Variants in LPXN observed in about 807,000 individuals in gnomAD.
The protein encoded by LPXN is leupaxin.
In LPXN, 28 loss-of-function variants were observed where a neutral mutation model predicts 45.6. The observed-to-expected ratio is 0.61, with a 90% CI of 0.45 to 0.84. LPXN has a LOEUF of 0.84. LPXN is among the 40% of genes least tolerant of loss of function. The pLI, the probability that LPXN is intolerant of heterozygous loss-of-function variation, is 0.00. For synonymous variants in LPXN, 166 were observed against 169.9 expected, an observed-to-expected ratio of 0.98 and a Z score of 0.18; for missense variants, 459 against 475.0, an observed-to-expected ratio of 0.97 and a Z score of 0.31.
At chr11:58,556,148 T>C (rs1854196701) in intron 3 of LPXN, among the ~76,000 whole-genome samples, 2 of 152,110 alleles carry the variant, frequency 1.3e-5, no homozygotes, top group South Asian at 4.1e-4. Flanking sequence ...AGTTGAAATG[T>C]GTTTTTTTTA....
intron 7 of LPXN, among the ~76,000 whole-genome samples, chr11:58,542,489 T>C (rs981284364): frequency 2.0e-5 from 3 of 151,890 alleles, no homozygotes; most frequent in Non-Finnish European, 4.4e-5. Context: ...TCCTAGGAAT[T>C]AATTAATACA....
At chr11:58,577,995 C>T, upstream of LPXN, 1 of 1,550,462 alleles carries the variant, frequency 6.4e-7, no homozygotes. Flanking sequence ...CCTCTAGGAG[C>T]TCACAGGTGA....
At chr11:58,578,313 A>T, upstream of LPXN, 2 of 339,270 alleles carry the variant, frequency 5.9e-6, no homozygotes, top group South Asian at 2.9e-5. Flanking sequence ...TCCCGTCGTG[A>T]CTCAGTTAGA....
rs1408918645 is a variant in LPXN, at chr11:58,549,771, C to G, written c.742+15G>C. 1 of 1,613,384 alleles carries G rather than the reference C, an allele frequency of 6.2e-7. No individual in the cohort carries two copies. Among genetic ancestry groups the G allele is most frequent in the Non-Finnish European group, 8.5e-7 (1 of 1,179,534 alleles). ...CACTGGGGTGTGGGATACAGCCTCT[C>G]AAGTCGGGTCATACCTTCTGCACCA... is the stretch of plus-strand genomic sequence containing the variant. On this transcript the variant is annotated intron_variant, in intron 7 of 8. Transcript: ENST00000395074.
intron 2 of LPXN, among the ~76,000 whole-genome samples, chr11:58,569,786 T>C (rs1019600077): frequency 1.5e-4 from 23 of 152,150 alleles, no homozygotes; most frequent in African/African-American, 5.1e-4. Flanking sequence ...AATAATTGAA[T>C]CTCCTAATCT....
chr11:58,532,805 C>T (rs1853433357), intron 7 of LPXN, among the ~76,000 whole-genome samples: 2 of 152,214 alleles, frequency 1.3e-5, no homozygotes, highest in African/African-American at 4.8e-5. Context: ...GCAGTGGCAA[C>T]CCACTTGGGT....
intron 3 of LPXN, 55 bp from the exon 4 acceptor site, chr11:58,554,995 A>G: frequency 8.8e-7 from 1 of 1,134,750 alleles, no homozygotes. Flanking sequence ...AAATAATGTT[A>G]AACCACACAT....
intron 2 of LPXN, among the ~76,000 whole-genome samples, chr11:58,568,945 G>A (rs1854599607): frequency 6.6e-6 from 1 of 152,178 alleles, no homozygotes. Flanking sequence ...TTTTAAAGGT[G>A]ACCCTGGCTG....
intron 3 of LPXN, among the ~76,000 whole-genome samples, chr11:58,563,392 C>G (rs1425036313): frequency 6.6e-6 from 1 of 152,186 alleles, no homozygotes; most frequent in Non-Finnish European, 1.5e-5. Flanking sequence ...TAGCACAGTT[C>G]TTGCCTTATT....
chr11:58,577,037 C>T (rs1331801870), upstream of LPXN, among the ~76,000 whole-genome samples: 3 of 152,148 alleles, frequency 2.0e-5, no homozygotes, highest in African/African-American at 7.2e-5. Context: ...AGGGATCCTC[C>T]CACTTTGGCA....
In LPXN at chr11:58,555,708, A is replaced by C. The variant is rs367865373; in HGVS notation, c.219-768T>G. Among the ~76,000 whole-genome samples the C allele has an allele frequency of 3.9e-5, 6 of 151,978 alleles. No individual in the cohort carries two copies. In the East Asian group the frequency reaches 9.7e-4, roughly 24 times the overall value. On this transcript the variant is annotated intron_variant, in intron 3 of 8. Coordinates refer to ENST00000395074, the MANE Select transcript of LPXN (RefSeq NM_004811.3). ...TTCTTGGGATAAAAAAATTAAACTGAATTTTCAAACCAGTTAGAAATAGCA... is the reference window on the plus strand; with the variant it reads ...TTCTTGGGATAAAAAAATTAAACTGCATTTTCAAACCAGTTAGAAATAGCA...
intron 5 of LPXN, among the ~76,000 whole-genome samples, chr11:58,550,369 T>C (rs1156258311): frequency 1.3e-5 from 2 of 152,198 alleles, no homozygotes; most frequent in South Asian, 2.1e-4. Flanking sequence ...GACTGATCAC[T>C]GTGATGAAAG....
At chr11:58,564,301 T>C (rs994336102) in intron 2 of LPXN, 100 bp from the exon 3 acceptor site, 1 of 774,698 alleles carries the variant, frequency 1.3e-6, no homozygotes, top group South Asian at 1.5e-5. Context: ...TTTGTAGCTT[T>C]TAAAGGGGAC....
At chr11:58,569,888 A>T (rs1446542316) in intron 2 of LPXN, among the ~76,000 whole-genome samples, 2 of 152,180 alleles carry the variant, frequency 1.3e-5, no homozygotes, top group Non-Finnish European at 2.9e-5. Flanking sequence ...TCCTCAGGTG[A>T]TCTCTGGCCT....
intron 7 of LPXN, among the ~76,000 whole-genome samples, chr11:58,531,785 A>G (rs777948126): frequency 6.6e-6 from 1 of 152,244 alleles, no homozygotes; most frequent in South Asian, 2.1e-4. Flanking sequence ...AATTGAGGTG[A>G]CAATGTGCTT....
At position 58,527,670 on chromosome 11, in the gene LPXN, T is replaced by TG. The variant is rs1853266558; in HGVS notation, c.944dup (p.Phe316IlefsTer3). 1 of 1,614,088 alleles carries TG rather than the reference T, an allele frequency of 6.2e-7. No homozygotes were observed. Among genetic ancestry groups the TG allele is most frequent in the Non-Finnish European group, 8.5e-7 (1 of 1,180,000 alleles). ...GGTGATGGTAATGGAGCTCACAGAA[T>TG]GGACGTCCATCCAGTTCAAAGAAGG... On this transcript the variant is annotated frameshift_variant, in exon 9 of 9. Transcript: ENST00000395074. LOFTEE classifies it high-confidence loss of function.
At position 58,527,729 on chromosome 11, in the gene LPXN, G is replaced by A. The variant is rs1003911836; in HGVS notation, c.892-6C>T. 3 of 1,611,320 alleles carry A rather than the reference G, an allele frequency of 1.9e-6. No individual in the cohort carries two copies. The highest frequency in any genetic ancestry group is 1.7e-6 in the Non-Finnish European group (2 of 1,178,002). The stretch of plus-strand genomic sequence containing the variant: ...GAAAAACTGGTGAAGCAGTCCTGGG[G>A]TAGAGAGAAGAGAGAGAAAAAGAAT... On this transcript the variant is annotated splice_region_variant and splice_polypyrimidine_tract_variant and intron_variant, in intron 8 of 8. Coordinates refer to ENST00000395074, the MANE Select transcript of LPXN (RefSeq NM_004811.3).
At chr11:58,542,405 C>T (rs1853755591) in intron 7 of LPXN, among the ~76,000 whole-genome samples, 1 of 151,594 alleles carries the variant, frequency 6.6e-6, no homozygotes, top group African/African-American at 2.4e-5. Context: ...ATAATATTAA[C>T]TGTATTATTC....
In LPXN at chr11:58,533,015, CG is replaced by C. The variant is rs544917754; in HGVS notation, c.743-4825del. Among the ~76,000 whole-genome samples the C allele has an allele frequency of 1.5e-3, 229 of 151,848 alleles. 2 individuals carry two copies. Among genetic ancestry groups the C allele is most frequent in the African/African-American group, 5.5e-3 (226 of 41,398 alleles). On this transcript the variant is annotated intron_variant, in intron 7 of 8. Transcript: ENST00000395074. ...GATGGGAGGAATGAGCAACTCCAGACGCACCGCCTTAAGAGCTGTAACACTC... is the reference window on the plus strand; with the variant it reads ...GATGGGAGGAATGAGCAACTCCAGACCACCGCCTTAAGAGCTGTAACACTC...
Sources: gnomAD v4.1 joint callset for allele counts (sites outside exome capture counted in the v4.1 genomes callset) on GRCh38, gnomAD v4.1.1 for gene constraint, MANE v1.5 for transcripts, NCBI Gene and HGNC (gene_info 2026-07-23, HGNC 2026-07-21) for gene names.